KCNAB1: variants seen among roughly 807,000 people sequenced by gnomAD.
KCNAB1 encodes potassium voltage-gated channel subfamily A regulatory beta subunit 1.
A neutral mutation model predicts 64.6 loss-of-function variants in KCNAB1; 35 were observed. The ratio of observed to expected loss-of-function variants is 0.54; its 90% CI spans 0.41 to 0.72. The LOEUF (loss-of-function observed/expected upper bound fraction) is 0.72, where lower values mean the gene tolerates loss of function less well. Ranked by LOEUF, KCNAB1 falls within the 30% of genes least tolerant of loss-of-function variation. The pLI is 0.00. For synonymous variants in KCNAB1, 177 were observed against 183.8 expected (o/e 0.96, Z 0.30); for missense variants, 401 against 512.9 (o/e 0.78, Z 2.11).
chr3:156,398,167 A>G (rs2108184201), intron 1 of KCNAB1, among the ~76,000 whole-genome samples: 1 of 152,274 alleles, frequency 6.6e-6, no homozygotes, highest in Middle Eastern at 3.4e-3. Context: ...TCTCACTCAT[A>G]AGTGAGAGTT....
intron 1 of KCNAB1, among the ~76,000 whole-genome samples, chr3:156,140,646 C>T (rs1466122044): frequency 3.9e-5 from 6 of 152,082 alleles, no homozygotes; most frequent in African/African-American, 1.2e-4. Context: ...ACATTCAGTA[C>T]ATAACACTAA....
intron 8 of KCNAB1, among the ~76,000 whole-genome samples, chr3:156,495,887 A>G (rs747228074): frequency 6.6e-6 from 1 of 152,146 alleles, no homozygotes; most frequent in Non-Finnish European, 1.5e-5. Context: ...TGTCTCATGA[A>G]GATAACACAA....
At chr3:156,428,581 G>T (rs944210884) in intron 2 of KCNAB1, among the ~76,000 whole-genome samples, 10 of 146,280 alleles carry the variant, frequency 6.8e-5, no homozygotes, top group Admixed American at 2.0e-4. Context: ...AGATTTTGTT[G>T]ATTTTTTTTT....
intron 1 of KCNAB1, among the ~76,000 whole-genome samples, chr3:156,339,715 C>T (rs1560204696): frequency 6.6e-6 from 1 of 152,194 alleles, no homozygotes; most frequent in African/African-American, 2.4e-5. Context: ...CATGGCTGGG[C>T]TGAATGGGTA....
At chr3:156,208,694 G>C (rs1259360424) in intron 1 of KCNAB1, among the ~76,000 whole-genome samples, 1 of 152,182 alleles carries the variant, frequency 6.6e-6, no homozygotes, top group East Asian at 1.9e-4. Context: ...AGAACAAACT[G>C]TTAATTCTGG....
chr3:156,475,299 G>A (rs1215357733), intron 8 of KCNAB1, among the ~76,000 whole-genome samples: 2 of 152,168 alleles, frequency 1.3e-5, no homozygotes, highest in Non-Finnish European at 2.9e-5. Context: ...TATCATTGCA[G>A]TTTGATTGTT....
intron 1 of KCNAB1, among the ~76,000 whole-genome samples, chr3:156,153,442 C>T (rs1454729251): frequency 6.6e-6 from 1 of 152,178 alleles, no homozygotes; most frequent in Non-Finnish European, 1.5e-5. Context: ...TTCAATCATT[C>T]ATTAAGTTTG....
At chr3:156,186,945 G>A (rs1713240833) in intron 1 of KCNAB1, among the ~76,000 whole-genome samples, 1 of 151,342 alleles carries the variant, frequency 6.6e-6, no homozygotes, top group Non-Finnish European at 1.5e-5. Context: ...TCTACCTCCC[G>A]GGCTCAAGTG....
intron 1 of KCNAB1, among the ~76,000 whole-genome samples, chr3:156,289,213 C>T (rs1315406993): frequency 6.6e-6 from 1 of 152,220 alleles, no homozygotes; most frequent in Non-Finnish European, 1.5e-5. Context: ...TCTGTCCTCC[C>T]TGTGGAACTG....
At chr3:156,167,893 T>C (rs1448793011) in intron 1 of KCNAB1, among the ~76,000 whole-genome samples, 2 of 152,192 alleles carry the variant, frequency 1.3e-5, no homozygotes, top group African/African-American at 2.4e-5. Flanking sequence ...GAATGCTCTC[T>C]ATACTTTCTT....
At chr3:156,527,584 C>T (rs1718409188) in intron 12 of KCNAB1, among the ~76,000 whole-genome samples, 1 of 152,166 alleles carries the variant, frequency 6.6e-6, no homozygotes, top group African/African-American at 2.4e-5. Flanking sequence ...TAGACTCTTA[C>T]TAGATATTAG....
At chr3:156,534,319 G>A (rs941362296) in intron 13 of KCNAB1, among the ~76,000 whole-genome samples, 1 of 152,158 alleles carries the variant, frequency 6.6e-6, no homozygotes, top group Admixed American at 6.5e-5. Flanking sequence ...ACGAAGGGGC[G>A]TATATAAATC....
intron 1 of KCNAB1, among the ~76,000 whole-genome samples, chr3:156,415,568 CGCT>C (rs1265939723): frequency 3.7e-4 from 56 of 152,288 alleles, no homozygotes; most frequent in Non-Finnish European, 3.8e-4. Flanking sequence ...CCACCCCACT[CGCT>C]GCGCTCTATC....
chr3:156,523,153 A>C (rs1718066588), intron 11 of KCNAB1, among the ~76,000 whole-genome samples: 1 of 152,076 alleles, frequency 6.6e-6, no homozygotes, highest in Admixed American at 6.5e-5. Context: ...TCCTGTTTTG[A>C]GTTTCTTTAC....
At position 156,485,443 on chromosome 3, in the gene KCNAB1, T is replaced by C. The variant is rs561250426; in HGVS notation, c.658+10623T>C. 6.6e-5 allele frequency among the ~76,000 whole-genome samples: 10 copies of C among 152,208 alleles called. No homozygotes were observed. In the South Asian group the frequency reaches 2.1e-3, roughly 32 times the overall value. ...ATCTCCTGAGAATAAGGCATTCTTC[T>C]ATATGACCATAACACAATCATCATA... On this transcript the variant is annotated intron_variant, in intron 8 of 13. Coordinates refer to ENST00000490337, the MANE Select transcript of KCNAB1 (RefSeq NM_172160.3).
At chr3:156,312,703 CAAAAAAA>C (rs397991453) in intron 1 of KCNAB1, among the ~76,000 whole-genome samples, 4 of 27,420 alleles carry the variant, frequency 1.5e-4, no homozygotes, top group East Asian at 1.4e-3. Flanking sequence ...AGACTGTCTC[CAAAAAAA>C]AAAAAAAAAA....
At chr3:156,503,361 T>C (rs974229911) in intron 8 of KCNAB1, among the ~76,000 whole-genome samples, 2 of 152,226 alleles carry the variant, frequency 1.3e-5, no homozygotes, top group Admixed American at 1.3e-4. Flanking sequence ...AGCTCTCTTA[T>C]TGCTTTGGGC....
At chr3:156,503,946 T>C (rs1166965413) in intron 8 of KCNAB1, among the ~76,000 whole-genome samples, 1 of 152,214 alleles carries the variant, frequency 6.6e-6, no homozygotes, top group East Asian at 1.9e-4. Context: ...TTTGAAAATA[T>C]AGAACAAACA....
chr3:156,252,183 G>T (rs1717868589), intron 1 of KCNAB1, among the ~76,000 whole-genome samples: 1 of 152,222 alleles, frequency 6.6e-6, no homozygotes, highest in Non-Finnish European at 1.5e-5. Flanking sequence ...TATTGCCTTG[G>T]CATCTCTGAT....
Sources: gnomAD v4.1 joint callset for allele counts (sites outside exome capture counted in the v4.1 genomes callset) on GRCh38, gnomAD v4.1.1 for gene constraint, MANE v1.5 for transcripts, NCBI Gene and HGNC (gene_info 2026-07-23, HGNC 2026-07-21) for gene names.